NRG1: variants seen among roughly 807,000 people sequenced by gnomAD.
The protein encoded by NRG1 is pro-neuregulin-1, membrane-bound isoform.
Under a neutral mutation model 63.8 loss-of-function variants are expected in NRG1, and 18 were observed. The ratio of observed to expected loss-of-function variants is 0.28; its 90% confidence interval spans 0.19 to 0.42. The LOEUF is 0.42. Ranked by LOEUF, NRG1 falls within the 10% of genes least tolerant of loss-of-function variation. The probability of loss-of-function intolerance (pLI) is 1.00; values close to 1 mark genes in which losing one functional copy is unlikely to be tolerated. For synonymous variants in NRG1, 302 were observed against 301.3 expected, an observed-to-expected ratio of 1.00 and a Z score of -0.02; for missense variants, 762 against 814.7, an observed-to-expected ratio of 0.94 and a Z score of 0.79.
rs181959845 is a variant in NRG1 at position 32,573,546 on chromosome 8, C to T, written c.101-22282C>T. 3.6e-3 allele frequency among the ~76,000 whole-genome samples: 554 copies of T among 152,246 alleles called. 4 individuals are homozygous for T. Among genetic ancestry groups the T allele is most frequent in the African/African-American group, 0.012 (516 of 41,544 alleles). On this transcript the variant is annotated intron_variant, in intron 1 of 11. Transcript: ENST00000356819. ...TTCAATTTTTCTTTACCTGGCGTTG[C>T]TTATGTTCTCCAGCCAGTTCTGTCT...
At chr8:31,769,081 A>T (rs2131559284) in intron 1 of NRG1, among the ~76,000 whole-genome samples, 1 of 152,338 alleles carries the variant, frequency 6.6e-6, no homozygotes, top group East Asian at 1.9e-4. Flanking sequence ...CTGCTTTAAA[A>T]ATTTCTCAAC....
intron 1 of NRG1, among the ~76,000 whole-genome samples, chr8:32,401,492 A>G (rs1255252095): frequency 2.0e-5 from 3 of 152,076 alleles, no homozygotes; most frequent in Admixed American, 6.6e-5. Context: ...GTCCACTGCT[A>G]TGTCCCTAAC....
intron 1 of NRG1, among the ~76,000 whole-genome samples, chr8:31,703,700 G>C (rs1005896784): frequency 1.3e-5 from 2 of 152,144 alleles, no homozygotes; most frequent in Non-Finnish European, 2.9e-5. Context: ...CTGGTCTGTA[G>C]ACCTGAAATA....
chr8:31,706,841 G>A (rs1811200433), intron 1 of NRG1, among the ~76,000 whole-genome samples: 1 of 151,908 alleles, frequency 6.6e-6, no homozygotes, highest in African/African-American at 2.4e-5. Context: ...CTCTATACAT[G>A]ATTTGTATCT....
chr8:32,488,406 G>A (rs986020569), intron 1 of NRG1, among the ~76,000 whole-genome samples: 1 of 152,136 alleles, frequency 6.6e-6, no homozygotes, highest in African/African-American at 2.4e-5. Flanking sequence ...AATAAAATGT[G>A]GGAGCAAATG....
At chr8:31,861,318 C>T (rs1282381414) in intron 1 of NRG1, among the ~76,000 whole-genome samples, 3 of 152,046 alleles carry the variant, frequency 2.0e-5, no homozygotes, top group Admixed American at 6.6e-5. Context: ...GTTGGTGTGA[C>T]ACAGATGGGT....
intron 1 of NRG1, among the ~76,000 whole-genome samples, chr8:32,311,380 A>G (rs970323224): frequency 6.6e-6 from 1 of 152,170 alleles, no homozygotes; most frequent in African/African-American, 2.4e-5. Flanking sequence ...TGGTCAGGCA[A>G]AGCTTTGCCA....
chr8:32,265,204 G>A (rs1438309397), intron 1 of NRG1, among the ~76,000 whole-genome samples: 1 of 152,000 alleles, frequency 6.6e-6, no homozygotes, highest in Admixed American at 6.6e-5. Flanking sequence ...GCATAGTGGT[G>A]TACACCTATA....
At chr8:32,658,956 A>G (rs577304911) in intron 5 of NRG1, among the ~76,000 whole-genome samples, 2 of 152,254 alleles carry the variant, frequency 1.3e-5, no homozygotes, top group East Asian at 3.9e-4. Flanking sequence ...TCTGTTCTGG[A>G]TCAACAGAGT....
At chr8:31,665,476 T>C (rs1806433818) in intron 1 of NRG1, among the ~76,000 whole-genome samples, 1 of 152,124 alleles carries the variant, frequency 6.6e-6, no homozygotes, top group Admixed American at 6.5e-5. Flanking sequence ...TTTGGAAAAA[T>C]AGTCTAGAAC....
chr8:32,147,740 T>C (rs1029802445), intron 1 of NRG1, among the ~76,000 whole-genome samples: 9 of 152,344 alleles, frequency 5.9e-5, no homozygotes, highest in Admixed American at 1.3e-4. Flanking sequence ...ATTCTGAATA[T>C]GATTCCATTC....
At chr8:31,693,006 G>A (rs192149033) in intron 1 of NRG1, among the ~76,000 whole-genome samples, 1 of 152,262 alleles carries the variant, frequency 6.6e-6, no homozygotes, top group Non-Finnish European at 1.5e-5. Flanking sequence ...GTTATGCAAA[G>A]CTTATTATTG....
intron 1 of NRG1, among the ~76,000 whole-genome samples, chr8:32,515,412 G>C (rs1829718322): frequency 6.6e-6 from 1 of 151,892 alleles, no homozygotes; most frequent in Non-Finnish European, 1.5e-5. Context: ...CTTCTTTTGA[G>C]AAGAAGTGTC....
intron 1 of NRG1, among the ~76,000 whole-genome samples, chr8:31,855,015 G>A (rs2129609606): frequency 6.6e-6 from 1 of 152,264 alleles, no homozygotes. Flanking sequence ...ATTTGCTGAG[G>A]AGAGCTTTAC....
At chr8:32,486,072 C>T (rs922267559) in intron 1 of NRG1, among the ~76,000 whole-genome samples, 21 of 151,738 alleles carry the variant, frequency 1.4e-4, no homozygotes, top group Non-Finnish European at 2.6e-4. Context: ...GGATTACAGG[C>T]GCTCCCCCCC....
At chr8:32,402,494 C>T (rs12550153) in intron 1 of NRG1, among the ~76,000 whole-genome samples, 34,984 of 152,036 alleles carry the variant, frequency 0.23, 4,251 homozygotes, top group Admixed American at 0.34. Flanking sequence ...CTTGCCCTGT[C>T]CCACTCTGTC....
chr8:32,274,818 A>G (rs1851919283), intron 1 of NRG1, among the ~76,000 whole-genome samples: 1 of 152,204 alleles, frequency 6.6e-6, no homozygotes, highest in Non-Finnish European at 1.5e-5. Context: ...AAATGTATAA[A>G]CAGGTTGCTT....
At chr8:31,697,503 A>G (rs930000153) in intron 1 of NRG1, among the ~76,000 whole-genome samples, 1 of 152,158 alleles carries the variant, frequency 6.6e-6, no homozygotes, top group South Asian at 2.1e-4. Context: ...CCATCTATCC[A>G]CCAACTCCCA....
intron 1 of NRG1, among the ~76,000 whole-genome samples, chr8:32,209,710 TTCCCTTCC>T (rs1844462207): frequency 7.0e-6 from 1 of 142,396 alleles, no homozygotes; most frequent in Non-Finnish European, 1.5e-5. Flanking sequence ...CTTTCTCTCT[TTCCCTTCC>T]TTCCTTCCTT....
Sources: gnomAD v4.1 joint callset for allele counts (sites outside exome capture counted in the v4.1 genomes callset) on GRCh38, gnomAD v4.1.1 for gene constraint, MANE v1.5 for transcripts, NCBI Gene and HGNC (gene_info 2026-07-23, HGNC 2026-07-21) for gene names.